Variants in SLC2A13 observed in about 807,000 individuals in gnomAD.
SLC2A13 encodes solute carrier family 2 member 13.
SLC2A13 carries 32 observed loss-of-function variants against 64.4 expected under a neutral mutation model. The observed-to-expected ratio is 0.50, with a 90% CI of 0.37 to 0.67. SLC2A13 has a LOEUF of 0.67. Among genes scored for constraint, SLC2A13 ranks in the 30% least tolerant of loss-of-function variants. The probability of loss-of-function intolerance (pLI) is 0.00; values close to 1 mark genes in which losing one functional copy is unlikely to be tolerated. For synonymous variants in SLC2A13, 338 were observed against 327.1 expected, an observed-to-expected ratio of 1.03 and a Z score of -0.36; for missense variants, 743 against 829.2, an observed-to-expected ratio of 0.90 and a Z score of 1.28.
intron 1 of SLC2A13, among the ~76,000 whole-genome samples, chr12:40,056,705 A>C (rs1391424110): frequency 1.3e-5 from 2 of 152,226 alleles, no homozygotes; most frequent in African/African-American, 4.8e-5. Context: ...ATGCACAAGG[A>C]ATATGTACAG....
intron 4 of SLC2A13, among the ~76,000 whole-genome samples, chr12:39,929,832 A>T (rs1945793317): frequency 6.6e-6 from 1 of 152,168 alleles, no homozygotes; most frequent in Non-Finnish European, 1.5e-5. Flanking sequence ...TGAGCAAGTT[A>T]AAGAATGCGG....
chr12:39,891,911 A>T (rs1944618799), intron 4 of SLC2A13, among the ~76,000 whole-genome samples: 1 of 152,142 alleles, frequency 6.6e-6, no homozygotes, highest in African/African-American at 2.4e-5. Flanking sequence ...TGGTTTTTCT[A>T]AAAAAATTAT....
intron 4 of SLC2A13, among the ~76,000 whole-genome samples, chr12:39,929,344 A>G (rs542475139): frequency 1.3e-5 from 2 of 152,116 alleles, no homozygotes; most frequent in South Asian, 4.2e-4. Context: ...CGACGTCAGG[A>G]GTTCGAGACT....
rs144128570 is a variant in SLC2A13 at position 39,876,631 on chromosome 12, A to G, written c.1035-4670T>C. ...ATAATTATATGAAAACCTTAGTGACATAGACACTATGAGTTAGCTCTAAAA... is the reference window on the plus strand; with the variant it reads ...ATAATTATATGAAAACCTTAGTGACGTAGACACTATGAGTTAGCTCTAAAA... On this transcript the variant is annotated intron_variant, in intron 4 of 9. Transcript: ENST00000280871. Among the ~76,000 whole-genome samples, 601 of 152,336 alleles carry G rather than the reference A, an allele frequency of 3.9e-3. 2 individuals carry two copies. The highest frequency in any genetic ancestry group is 0.014 in the African/African-American group (576 of 41,590).
chr12:39,760,154 A>G lies in SLC2A13; in HGVS notation c.1819T>C (p.Ser607Pro), dbSNP rs1224066940. ...TKGKKLEEIE[S>P]LFDNRLCTCG... is the part of the protein sequence containing the mutation. ...GTACATAGCCTGTTGTCAAAGAGTG[A>G]TTCAATTTCCTCTAATTTTTTGCCT... The change falls in exon 10 of 10, where the codon TCA (serine) becomes CCA (proline). Residue 607 changes from serine (S) to proline (P), a missense_variant. By Grantham distance (74) the Ser-to-Pro change is moderately conservative. Around this residue, in one of 2 missense-constraint regions of SLC2A13, gnomAD observed 295 missense variants for 381.7 expected, o/e 0.77. Coordinates refer to ENST00000280871, the MANE Select transcript of SLC2A13 (RefSeq NM_052885.4). 1 of 1,613,002 alleles carries G rather than the reference A, an allele frequency of 6.2e-7. No individual in the cohort carries two copies. The highest frequency in any genetic ancestry group is 1.1e-5 in the South Asian group (1 of 91,052).
intron 3 of SLC2A13, among the ~76,000 whole-genome samples, chr12:39,979,035 A>C (rs1345716426): frequency 6.6e-6 from 1 of 151,414 alleles, no homozygotes; most frequent in Non-Finnish European, 1.5e-5. Context: ...GAGCAGCCTA[A>C]CTGGGAGGCA....
intron 4 of SLC2A13, among the ~76,000 whole-genome samples, chr12:39,932,966 C>G (rs995644708): frequency 6.6e-6 from 1 of 152,052 alleles, no homozygotes; most frequent in Non-Finnish European, 1.5e-5. Context: ...TGTAATGGAG[C>G]CTGTAATCCC....
intron 1 of SLC2A13, among the ~76,000 whole-genome samples, chr12:40,058,684 C>T (rs1344469979): frequency 6.6e-6 from 1 of 152,138 alleles, no homozygotes; most frequent in Admixed American, 6.6e-5. Context: ...TTTGAAATGG[C>T]AGGCACTAAT....
At chr12:39,857,867 C>A (rs1213050317) in intron 6 of SLC2A13, among the ~76,000 whole-genome samples, 1 of 152,162 alleles carries the variant, frequency 6.6e-6, no homozygotes, top group African/African-American at 2.4e-5. Context: ...ATTCCCTCTC[C>A]CTGAAATGCT....
At chr12:39,983,168 A>G (rs1365009238) in intron 3 of SLC2A13, among the ~76,000 whole-genome samples, 1 of 151,830 alleles carries the variant, frequency 6.6e-6, no homozygotes, top group African/African-American at 2.4e-5. Context: ...ACCTTATACA[A>G]AACTCAATTC....
chr12:39,863,131 A>AT (rs1943806190), intron 6 of SLC2A13, among the ~76,000 whole-genome samples: 1 of 152,132 alleles, frequency 6.6e-6, no homozygotes, highest in Non-Finnish European at 1.5e-5. Flanking sequence ...ATGGCTGCTT[A>AT]TTTTTGTAAT....
chr12:39,810,778 T>C (rs1942133734), intron 7 of SLC2A13, among the ~76,000 whole-genome samples: 1 of 152,140 alleles, frequency 6.6e-6, no homozygotes, highest in Non-Finnish European at 1.5e-5. Flanking sequence ...ATTACATCCA[T>C]TGAATACAGA....
intron 4 of SLC2A13, among the ~76,000 whole-genome samples, chr12:39,930,000 G>A (rs995301959): frequency 4.6e-5 from 7 of 151,890 alleles, no homozygotes; most frequent in African/African-American, 9.7e-5. Context: ...GCATGGTGGT[G>A]CATGCCTGTA....
rs561793974 is a variant in SLC2A13 at position 39,780,891 on chromosome 12, T to C, written c.1446-16033A>G. Among the ~76,000 whole-genome samples, 9 of 152,312 alleles carry C rather than the reference T, an allele frequency of 5.9e-5. No homozygotes were observed. The East Asian group carries it at 1.4e-3, about 23-fold the overall frequency. On this transcript the variant is annotated intron_variant, in intron 7 of 9. Coordinates refer to ENST00000280871, the MANE Select transcript of SLC2A13 (RefSeq NM_052885.4). ...AAGCTGCTTAGAGTATGAAAATACA[T>C]GTGGAGTGTCTCAGCAATTATTTAA...
chr12:39,826,378 C>T (rs1189139617), intron 7 of SLC2A13, among the ~76,000 whole-genome samples: 1 of 151,012 alleles, frequency 6.6e-6, no homozygotes, highest in Non-Finnish European at 1.5e-5. Flanking sequence ...ATATGAAGAT[C>T]TTTGTCTTTT....
chr12:39,903,490 G>T (rs796941909), intron 4 of SLC2A13, among the ~76,000 whole-genome samples: 2 of 152,004 alleles, frequency 1.3e-5, no homozygotes, highest in African/African-American at 4.8e-5. Context: ...TGCCATTCTA[G>T]GCCCTGTGTT....
At chr12:39,962,657 A>G (rs1946435307) in intron 3 of SLC2A13, among the ~76,000 whole-genome samples, 1 of 152,218 alleles carries the variant, frequency 6.6e-6, no homozygotes, top group Non-Finnish European at 1.5e-5. Context: ...TAGTGATATA[A>G]TAAAGTTTTC....
At chr12:39,971,997 A>AAAAAAATATATATATATATATATATATAT (rs1375405006) in intron 3 of SLC2A13, among the ~76,000 whole-genome samples, 1 of 77,380 alleles carries the variant, frequency 1.3e-5, no homozygotes, top group Admixed American at 1.8e-4. Flanking sequence ...AAAAAAAAAA[A>AAAAAAATATATATATATATATATATATAT]ATATATATAT....
At chr12:39,935,158 G>A (rs148139413) in intron 4 of SLC2A13, among the ~76,000 whole-genome samples, 1 of 152,174 alleles carries the variant, frequency 6.6e-6, no homozygotes, top group African/African-American at 2.4e-5. Context: ...GGAAGGCAGA[G>A]GTGGGAAGAT....
Sources: allele counts gnomAD v4.1 joint callset (sites outside exome capture counted in the v4.1 genomes callset), GRCh38; gene constraint gnomAD v4.1.1; regional missense constraint gnomAD v4.1.1; transcripts MANE v1.5; gene names NCBI Gene and HGNC (gene_info 2026-07-23, HGNC 2026-07-21).